Variants in NDUFA10 observed in about 807,000 individuals in gnomAD.
NDUFA10 encodes the protein NADH dehydrogenase [ubiquinone] 1 alpha subcomplex subunit 10, mitochondrial.
A neutral mutation model predicts 47.8 loss-of-function variants in NDUFA10; 40 were observed. The observed-to-expected ratio is 0.84, with a 90% confidence interval of 0.65 to 1.09. The LOEUF (loss-of-function observed/expected upper bound fraction) is 1.09, where lower values mean the gene tolerates loss of function less well. NDUFA10 is among the 50% of genes least tolerant of loss of function. The probability of loss-of-function intolerance (pLI) is 0.00; values close to 1 mark genes in which losing one functional copy is unlikely to be tolerated. For missense variants in NDUFA10, 413 were observed against 451.1 expected (o/e 0.92, Z 0.76); for synonymous variants, 183 against 172.2 (o/e 1.06, Z -0.49).
At chr2:239,988,888 A>G (rs561753055) in intron 9 of NDUFA10, among the ~76,000 whole-genome samples, 1 of 146,988 alleles carries the variant, frequency 6.8e-6, no homozygotes, top group East Asian at 1.9e-4. Flanking sequence ...GTACAAGGAC[A>G]GAAAGGGAGA....
chr2:239,948,670 G>C (rs1373530082), intron 4 of NDUFA10, among the ~76,000 whole-genome samples: 2 of 152,248 alleles, frequency 1.3e-5, no homozygotes, highest in African/African-American at 4.8e-5. Context: ...GGACAAACTA[G>C]GGATTGCAAA....
intron 4 of NDUFA10, among the ~76,000 whole-genome samples, chr2:239,922,333 G>A (rs1483818647): frequency 6.6e-6 from 1 of 152,106 alleles, no homozygotes; most frequent in Non-Finnish European, 1.5e-5. Context: ...GGCAGCCTGG[G>A]AGCCCTCAAT....
intron 6 of NDUFA10, among the ~76,000 whole-genome samples, chr2:240,009,898 G>C (rs920212224): frequency 6.6e-6 from 1 of 151,964 alleles, no homozygotes; most frequent in African/African-American, 2.4e-5. Flanking sequence ...TACAAGCCCG[G>C]GAAACCTAAT....
chr2:239,898,563 G>C (rs887137451), intron 4 of NDUFA10, among the ~76,000 whole-genome samples: 1 of 152,254 alleles, frequency 6.6e-6, no homozygotes, highest in Non-Finnish European at 1.5e-5. Flanking sequence ...CCCGAAGAGG[G>C]CACCAGCAGG....
chr2:239,929,214 C>T (rs1255337944), intron 4 of NDUFA10, among the ~76,000 whole-genome samples: 1 of 152,204 alleles, frequency 6.6e-6, no homozygotes, highest in Non-Finnish European at 1.5e-5. Flanking sequence ...TGGCACCAAC[C>T]GGTGGCCTGG....
intron 9 of NDUFA10, among the ~76,000 whole-genome samples, chr2:239,967,786 C>A (rs181913635): frequency 6.6e-5 from 10 of 152,298 alleles, no homozygotes; most frequent in Non-Finnish European, 1.0e-4. Context: ...AACGTAAGGA[C>A]TGGATGAGTT....
At chr2:239,894,025 C>T (rs575815716) in intron 5 of NDUFA10, among the ~76,000 whole-genome samples, 1 of 143,908 alleles carries the variant, frequency 6.9e-6, no homozygotes, top group African/African-American at 2.6e-5. Flanking sequence ...ATTCCCTCTC[C>T]CTGCCTCCCA....
At chr2:239,965,065 A>G (rs1335465029) in intron 9 of NDUFA10, among the ~76,000 whole-genome samples, 1 of 152,204 alleles carries the variant, frequency 6.6e-6, no homozygotes, top group Admixed American at 6.5e-5. Context: ...TGACAGAGGA[A>G]GGGCTGGGTT....
chr2:240,018,482 A>C (rs1559402944), intron 4 of NDUFA10, 71 bp downstream of exon 4: 1 of 1,613,750 alleles, frequency 6.2e-7, no homozygotes. Flanking sequence ...CAGTAAGTGC[A>C]AGGTGAGTCT....
At chr2:239,901,243 C>T (rs993516472) in intron 4 of NDUFA10, among the ~76,000 whole-genome samples, 2 of 152,130 alleles carry the variant, frequency 1.3e-5, no homozygotes, top group Non-Finnish European at 2.9e-5. Flanking sequence ...GGCAGTGGCT[C>T]GCATCTGTAA....
chr2:239,975,228 C>A lies in NDUFA10; in HGVS notation c.1000-14042G>T, dbSNP rs116095063. 3.8e-3 allele frequency among the ~76,000 whole-genome samples: 578 copies of A among 152,320 alleles called. 5 individuals carry two copies. Among genetic ancestry groups the A allele is most frequent in the African/African-American group, 0.013 (555 of 41,558 alleles). On this transcript the variant is annotated intron_variant, in intron 9 of 9. Coordinates refer to ENST00000252711, the MANE Select transcript of NDUFA10 (RefSeq NM_004544.4). ...TAGGATGTACCTGCTTCCCCTTTAC[C>A]GTCTACCATGATTGTAAGTTTCCTG... is the stretch of plus-strand genomic sequence containing the variant.
chr2:239,974,848 C>T lies in NDUFA10; in HGVS notation c.1000-13662G>A, dbSNP rs191638955. 3.4e-5 allele frequency among the ~76,000 whole-genome samples: 5 copies of T among 147,180 alleles called. No individual in the cohort carries two copies. In the East Asian group the frequency reaches 8.2e-4, roughly 24 times the overall value. On this transcript the variant is annotated intron_variant, in intron 9 of 9. Coordinates refer to ENST00000252711, the MANE Select transcript of NDUFA10 (RefSeq NM_004544.4). ...TTTAAAAATATGTGACACTCTGCCA[C>T]CAAAGAGCTGGTCATTTAAAACTAT...
chr2:239,901,197 C>T (rs74992628), intron 4 of NDUFA10, among the ~76,000 whole-genome samples: 2,698 of 152,162 alleles, frequency 0.018, 66 homozygotes, highest in East Asian at 0.14. Context: ...ACATTGACTC[C>T]GCCATGCTCT....
chr2:240,021,540 G>A, intron 2 of NDUFA10, 128 bp from the exon 3 acceptor site: 1 of 793,440 alleles, frequency 1.3e-6, no homozygotes, highest in Non-Finnish European at 2.1e-6. Context: ...ATGACCTAGA[G>A]AAAGTCACCT....
chr2:239,958,055 T>G lies in NDUFA10; in HGVS notation c.*3063A>C, dbSNP rs1694708719. 6.6e-6 allele frequency: 1 copy of G among 152,198 alleles called. No individual in the cohort carries two copies. Among genetic ancestry groups the G allele is most frequent in the Admixed American group, 6.5e-5 (1 of 15,284 alleles). 9.4% of individuals were successfully genotyped at this position (152,198 alleles called of 1,614,324 possible). On this transcript the variant is annotated 3_prime_UTR_variant, in exon 10 of 10. Transcript: ENST00000252711. ...AAAGCAAAGCCTCAGGCTCCCGGCT[T>G]CTATTTATATCCACATGTAAAGCCC...
chr2:239,920,679 G>A (rs546747762), intron 4 of NDUFA10, among the ~76,000 whole-genome samples: 3 of 152,368 alleles, frequency 2.0e-5, no homozygotes, highest in Admixed American at 1.3e-4. Context: ...TGAAGGTAAA[G>A]GAAGGGACGT....
chr2:240,018,783 A>G (rs1697479490), intron 3 of NDUFA10, 144 bp from the exon 4 acceptor site: 1 of 979,162 alleles, frequency 1.0e-6, no homozygotes, highest in Non-Finnish European at 1.6e-6. Flanking sequence ...ACATAGACAT[A>G]TTTGTAAGTG....
intron 4 of NDUFA10, among the ~76,000 whole-genome samples, chr2:239,926,237 G>A (rs929262652): frequency 3.3e-5 from 5 of 152,212 alleles, no homozygotes; most frequent in South Asian, 2.1e-4. Flanking sequence ...ATCTGGAAAC[G>A]ATGTCAATTT....
intron 9 of NDUFA10, among the ~76,000 whole-genome samples, chr2:239,971,806 A>G (rs1351321089): frequency 3.3e-5 from 5 of 152,242 alleles, no homozygotes; most frequent in African/African-American, 1.2e-4. Context: ...ACTCTTAAAA[A>G]TAACACAATA....
Sources: gnomAD v4.1 joint callset for allele counts (sites outside exome capture counted in the v4.1 genomes callset) on GRCh38, gnomAD v4.1.1 for gene constraint, MANE v1.5 for transcripts, NCBI Gene and HGNC (gene_info 2026-07-23, HGNC 2026-07-21) for gene names.